The following LMLN variants were observed in gnomAD, a reference collection of about 807,000 sequenced individuals.
LMLN encodes leishmanolysin like peptidase.
Under a neutral mutation model 92.3 loss-of-function variants are expected in LMLN, and 70 were observed. That is an observed-to-expected ratio of 0.76 (90% CI 0.63 to 0.92). The LOEUF (loss-of-function observed/expected upper bound fraction) is 0.92. Among genes scored for constraint, LMLN ranks in the 40% least tolerant of loss-of-function variants. LMLN has a pLI of 0.00. For missense variants in LMLN, 691 were observed against 814.6 expected (o/e 0.85, Z 1.85); for synonymous variants, 308 against 296.2 (o/e 1.04, Z -0.41).
intron 8 of LMLN, among the ~76,000 whole-genome samples, chr3:197,986,967 G>C (rs113323896): frequency 0.065 from 9,760 of 149,648 alleles, 367 homozygotes; most frequent in African/African-American, 0.1. Context: ...AGCCTCCCTA[G>C]TAGCTGGGAC....
At chr3:198,002,940 G>C (rs1051742409) in intron 11 of LMLN, 75 bp from the exon 12 acceptor site, 2 of 808,386 alleles carry the variant, frequency 2.5e-6, no homozygotes, top group Non-Finnish European at 4.1e-6. Flanking sequence ...TCATTGTTGA[G>C]ATTCTCAATT....
intron 14 of LMLN, among the ~76,000 whole-genome samples, chr3:198,028,210 G>A (rs570984502): frequency 2.0e-5 from 3 of 151,996 alleles, no homozygotes; most frequent in South Asian, 2.1e-4. Context: ...TCAATGAACC[G>A]ACATCATCAT....
intron 5 of LMLN, among the ~76,000 whole-genome samples, chr3:197,979,923 AT>A (rs963025535): frequency 2.0e-5 from 3 of 152,030 alleles, no homozygotes; most frequent in African/African-American, 7.2e-5. Flanking sequence ...ATTAGGTAAG[AT>A]TTTTTTTACC....
At chr3:197,974,253 T>A in intron 1 of LMLN, 124 bp from the exon 2 acceptor site, 1 of 621,836 alleles carries the variant, frequency 1.6e-6, no homozygotes, top group East Asian at 3.2e-5. Flanking sequence ...CACAGTGGAA[T>A]ATGGGTCACA....
chr3:198,034,472 G>A (rs1469173598), intron 14 of LMLN, among the ~76,000 whole-genome samples: 1 of 152,056 alleles, frequency 6.6e-6, no homozygotes, highest in Admixed American at 6.6e-5. Context: ...TTAGCTGGGT[G>A]TGGTAGCACA....
At position 198,026,826 on chromosome 3, in the gene LMLN, C is replaced by G. The variant is rs974838933; in HGVS notation, c.1656+2038C>G. Among the ~76,000 whole-genome samples, 3 of 151,502 alleles carry G rather than the reference C, an allele frequency of 2.0e-5. No homozygotes were observed. In the South Asian group the frequency reaches 6.3e-4, roughly 32 times the overall value. On this transcript the variant is annotated intron_variant, in intron 14 of 15. Transcript: ENST00000330198. ...TGGGCGCTAATTATACTGTTCATTGCTTTTAGTGGAGTGTGGTGTTAGAGA... is the reference window on the plus strand; with the variant it reads ...TGGGCGCTAATTATACTGTTCATTGGTTTTAGTGGAGTGTGGTGTTAGAGA...
intron 8 of LMLN, among the ~76,000 whole-genome samples, chr3:197,988,292 C>A (rs1721768512): frequency 6.6e-6 from 1 of 151,488 alleles, no homozygotes; most frequent in Non-Finnish European, 1.5e-5. Context: ...ATGTTTTTTT[C>A]TTTGTTGCTT....
At chr3:198,002,908 CT>C in intron 11 of LMLN, 106 bp from the exon 12 acceptor site, 1 of 634,954 alleles carries the variant, frequency 1.6e-6, no homozygotes, top group Non-Finnish European at 2.7e-6. Context: ...CCTCCAAAAT[CT>C]TTCTTAAGGT....
intron 15 of LMLN, chr3:198,038,320 AT>A: frequency 3.3e-4 from 138 of 413,610 alleles, no homozygotes; most frequent in East Asian, 6.9e-4. Context: ...CCCCAAGGCA[AT>A]TTTTTTTGGA....
chr3:197,972,608 C>T (rs1560134218), intron 1 of LMLN, among the ~76,000 whole-genome samples: 2 of 152,042 alleles, frequency 1.3e-5, no homozygotes, highest in Admixed American at 6.5e-5. Flanking sequence ...CTCATTTTCC[C>T]ATTTTGTTCT....
chr3:197,996,167 GT>G lies in LMLN; in HGVS notation c.1048-6del. 1.3e-6 allele frequency: 2 copies of G among 1,520,652 alleles called. No individual in the cohort carries two copies. The highest frequency in any genetic ancestry group is 1.8e-6 in the Non-Finnish European group (2 of 1,132,998). 94.2% of individuals were successfully genotyped at this position (1,520,652 alleles called of 1,614,324 possible). On this transcript the variant is annotated splice_region_variant and splice_polypyrimidine_tract_variant and intron_variant, in intron 9 of 15. Coordinates refer to ENST00000330198, the Ensembl canonical transcript of LMLN. Reference sequence around the variant, plus strand: ...ATATTTGTTTCTGATTTTTTTTCTGGTTCTTAGGAGGAAGCACGAAAACATT... The same window carrying G: ...ATATTTGTTTCTGATTTTTTTTCTGGTCTTAGGAGGAAGCACGAAAACATT...
chr3:197,982,438 C>G (rs1721586781), intron 6 of LMLN, among the ~76,000 whole-genome samples: 1 of 152,028 alleles, frequency 6.6e-6, no homozygotes, highest in African/African-American at 2.4e-5. Context: ...GTTGGTCAGG[C>G]TGGTCTTGAA....
chr3:197,985,867 T>C lies in LMLN; in HGVS notation c.906T>C (p.Asp302=), dbSNP rs573066215. The C allele has an allele frequency of 9.3e-6, 15 of 1,610,894 alleles. No homozygotes were observed. The East Asian group carries it at 3.3e-4, about 36-fold the overall frequency. The stretch of plus-strand genomic sequence containing the variant: ...ATCCTCTCACTTCAAGATTTGCAGA[T>C]GGCCTCCCACCTTTTAATTATAGGT... Residue 302 remains aspartate (D), a synonymous_variant, in exon 8 of 16, where the codon GAT becomes GAC. Coordinates refer to ENST00000330198, the Ensembl canonical transcript of LMLN.
chr3:198,033,191 C>T (rs1313304206), intron 14 of LMLN, among the ~76,000 whole-genome samples: 1 of 152,166 alleles, frequency 6.6e-6, no homozygotes, highest in African/African-American at 2.4e-5. Context: ...CATCTCTAAG[C>T]CATGTGCATT....
At chr3:197,977,542 A>G (rs367692988) in intron 5 of LMLN, among the ~76,000 whole-genome samples, 12 of 152,172 alleles carry the variant, frequency 7.9e-5, no homozygotes, top group African/African-American at 2.7e-4. Flanking sequence ...ATCTGGATAC[A>G]TATAAAAATC....
intron 5 of LMLN, 58 bp downstream of exon 5, chr3:197,976,773 G>A: frequency 1.2e-6 from 1 of 852,094 alleles, no homozygotes; most frequent in Non-Finnish European, 1.7e-6. Flanking sequence ...GAATTTGTGA[G>A]TGTCACAGAA....
At chr3:198,012,462 C>G (rs776415458) in intron 11 of LMLN, among the ~76,000 whole-genome samples, 8 of 152,186 alleles carry the variant, frequency 5.3e-5, no homozygotes, top group Non-Finnish European at 1.0e-4. Flanking sequence ...CCTAGTTGGT[C>G]TATCAGTTGT....
chr3:197,994,628 T>G (rs1486624253), intron 9 of LMLN: 1 of 152,142 alleles, frequency 6.6e-6, no homozygotes, highest in East Asian at 1.9e-4. Context: ...GCACAAAGAC[T>G]AAAATTGGAA....
chr3:198,019,224 G>A lies in LMLN; in HGVS notation c.1233-29G>A. 2 of 1,588,190 alleles carry A rather than the reference G, an allele frequency of 1.3e-6. No individual in the cohort carries two copies. The highest frequency in any genetic ancestry group is 1.7e-4 in the Middle Eastern group (1 of 5,924). On this transcript the variant is annotated intron_variant, in intron 11 of 15. Coordinates refer to ENST00000330198, the Ensembl canonical transcript of LMLN. This position sits in a 1 kb window ranked among gnomAD's most constrained non-coding sequence, Gnocchi z 5.5. Reference sequence around the variant, plus strand: ...ACTTGCAGTATTTTCTTTAAAGTTTGATACCATGGTACTTCTCTTTGTTTG... The same window carrying A: ...ACTTGCAGTATTTTCTTTAAAGTTTAATACCATGGTACTTCTCTTTGTTTG...
Sources: allele counts gnomAD v4.1 joint callset (sites outside exome capture counted in the v4.1 genomes callset), GRCh38; gene constraint gnomAD v4.1.1; non-coding constraint Gnocchi (gnomAD v3.1); transcripts MANE v1.5; gene names NCBI Gene and HGNC (gene_info 2026-07-23, HGNC 2026-07-21).